The following AP1M1 variants were observed in gnomAD, a reference collection of about 807,000 sequenced individuals.
AP1M1 encodes the protein adaptor related protein complex 1 subunit mu 1.
In AP1M1, 18 loss-of-function variants were observed where a neutral mutation model predicts 57.1. The observed-to-expected ratio is 0.32, with a 90% confidence interval of 0.22 to 0.47. AP1M1 has a LOEUF of 0.47. AP1M1 is among the 20% of genes least tolerant of loss of function. The pLI is 1.00. For synonymous variants in AP1M1, 241 were observed against 237.9 expected (o/e 1.01, Z -0.12); for missense variants, 362 against 593.5 (o/e 0.61, Z 4.05).
rs1219220232 is a variant in AP1M1, at chr19:16,228,804, A to G, written c.923A>G (p.Asn308Ser). Residue 308 changes from asparagine (N) to serine (S), a missense_variant, in exon 9 of 12, where the codon AAC becomes AGC. Around this residue, in one of 2 missense-constraint regions of AP1M1, gnomAD observed 337 missense variants for 511.1 expected, o/e 0.66. Transcript: ENST00000291439. The surrounding 1 kb of genome is among the most constrained non-coding windows in gnomAD (Gnocchi z 5.0). ...CAGTTCAAGCGGCGGTCAACAGCCA[A>G]CAACGTGGAGATCCACATTCCCGTG... ...KSQFKRRSTANNVEIHIPVPN... is the reference protein window; with the variant it reads ...KSQFKRRSTASNVEIHIPVPN... 3 of 1,614,142 alleles carry G rather than the reference A, an allele frequency of 1.9e-6. No homozygotes were observed. Among genetic ancestry groups the G allele is most frequent in the Middle Eastern group, 1.6e-4 (1 of 6,062 alleles).
At chr19:16,232,204 G>A (rs2091601744) in intron 9 of AP1M1, among the ~76,000 whole-genome samples, 1 of 152,172 alleles carries the variant, frequency 6.6e-6, no homozygotes, top group Non-Finnish European at 1.5e-5. Flanking sequence ...GTCCTCTTTT[G>A]TCTGCCTTTG....
At chr19:16,198,321 A>C in intron 1 of AP1M1, 1 of 274,198 alleles carries the variant, frequency 3.6e-6, no homozygotes, top group Non-Finnish European at 6.9e-6. Context: ...AACTGACTGC[A>C]CCGCCCTCTG....
chr19:16,197,975 T>TCGCTGCCGCCGACACCGCCCTCGGC lies in AP1M1; in HGVS notation c.-41_-40insACACCGCCCTCGGCCGCTGCCGCCG. ...GCTCAACGCCCAGCAGTCCCCACCG[T>TCGCTGCCGCCGACACCGCCCTCGGC]CGCTGCCGCCGCCACCGCCCTCGGC... On this transcript the variant is annotated 5_prime_UTR_variant, in exon 1 of 12. Transcript: ENST00000291439. 1.4e-6 allele frequency: 2 copies of TCGCTGCCGCCGACACCGCCCTCGGC among 1,451,818 alleles called. No individual in the cohort carries two copies. The highest frequency in any genetic ancestry group is 1.3e-5 in the South Asian group (1 of 77,830). The allele number at this position is 1,451,818 out of a possible 1,614,324, so 89.9% of individuals were successfully genotyped here. A position where few individuals can be genotyped will look rare whatever the true frequency, so the allele number is the denominator to read the frequency against.
In AP1M1 at chr19:16,228,954, G is replaced by T. The variant is rs758703003; in HGVS notation, c.1047+26G>T. 1.2e-6 allele frequency: 2 copies of T among 1,608,762 alleles called. No homozygotes were observed. Among genetic ancestry groups the T allele is most frequent in the Admixed American group, 1.7e-5 (1 of 59,872 alleles). On this transcript the variant is annotated intron_variant, in intron 9 of 11. Transcript: ENST00000291439. This position sits in a 1 kb window ranked among gnomAD's most constrained non-coding sequence, Gnocchi z 5.0. Reference sequence around the variant, plus strand: ...GTGAGCACTCTGTCCAGACATCCACGTGCCCCCTGCGCCTGTCTCTGCAAG... The same window carrying T: ...GTGAGCACTCTGTCCAGACATCCACTTGCCCCCTGCGCCTGTCTCTGCAAG...
At position 16,240,759 on chromosome 19, in the gene AP1M1, T is replaced by G. The variant is rs927619494; in HGVS notation, c.*6324T>G. The G allele has an allele frequency of 6.6e-6, 1 of 152,128 alleles. No individual in the cohort carries two copies. Among genetic ancestry groups the G allele is most frequent in the African/African-American group, 2.4e-5 (1 of 41,418 alleles). 9.4% of individuals were successfully genotyped at this position (152,128 alleles called of 1,614,324 possible). A position where few individuals can be genotyped will look rare whatever the true frequency, so the allele number is the denominator to read the frequency against. The stretch of plus-strand genomic sequence containing the variant: ...GCCACTGCGCCCAGCCTGAAAATCT[T>G]GAAATTTTAAGATCCAGGAAACCGT... On this transcript the variant is annotated 3_prime_UTR_variant, in exon 12 of 12. Transcript: ENST00000291439.
chr19:16,200,269 A>T (rs1183739200), intron 1 of AP1M1, among the ~76,000 whole-genome samples: 6 of 152,166 alleles, frequency 3.9e-5, no homozygotes, highest in Non-Finnish European at 7.3e-5. Flanking sequence ...GGAGGTGGTT[A>T]TGAAAGGCTC....
intron 1 of AP1M1, among the ~76,000 whole-genome samples, chr19:16,200,599 C>G (rs2145110062): frequency 6.6e-6 from 1 of 152,336 alleles, no homozygotes; most frequent in African/African-American, 2.4e-5. Flanking sequence ...GCCTCGTGAG[C>G]CGACTGCATT....
chr19:16,234,520 G>A lies in AP1M1; in HGVS notation c.*85G>A. 6.4e-7 allele frequency: 1 copy of A among 1,558,874 alleles called. No homozygotes were observed. Among genetic ancestry groups the A allele is most frequent in the South Asian group, 1.1e-5 (1 of 87,792 alleles). Reference sequence around the variant, plus strand: ...ACCTGCCAAACCCACCAGATGGAGGGGCCCTCCCTGGTCTCTGGCCACCCT... The same window carrying A: ...ACCTGCCAAACCCACCAGATGGAGGAGCCCTCCCTGGTCTCTGGCCACCCT... On this transcript the variant is annotated 3_prime_UTR_variant, in exon 12 of 12. Transcript: ENST00000291439.
intron 4 of AP1M1, among the ~76,000 whole-genome samples, chr19:16,208,699 C>T (rs1340439830): frequency 6.6e-6 from 1 of 152,206 alleles, no homozygotes; most frequent in Non-Finnish European, 1.5e-5. Flanking sequence ...GCGTCAGTTC[C>T]ATCCACGTGC....
Position 16,206,480 on chromosome 19 carries a change from C to T in AP1M1, c.267+72C>T. Reference sequence around the variant, plus strand: ...GGCTCTGCTTGTGGACCTCCCCATACCTGGCCACCCTACAGAGAGCTGTGG... The same window carrying T: ...GGCTCTGCTTGTGGACCTCCCCATATCTGGCCACCCTACAGAGAGCTGTGG... On this transcript the variant is annotated intron_variant, in intron 3 of 11. Transcript: ENST00000291439. This position sits in a 1 kb window ranked among gnomAD's most constrained non-coding sequence, Gnocchi z 4.3. 1.3e-6 allele frequency: 2 copies of T among 1,498,996 alleles called. No homozygotes were observed. The highest frequency in any genetic ancestry group is 3.4e-5 in the Admixed American group (2 of 59,532). The allele number at this position is 1,498,996 out of a possible 1,614,324, so 92.9% of individuals were successfully genotyped here. A position where few individuals can be genotyped will look rare whatever the true frequency, so the allele number is the denominator to read the frequency against.
At chr19:16,209,892 T>C (rs1182988136) in intron 5 of AP1M1, among the ~76,000 whole-genome samples, 2 of 152,186 alleles carry the variant, frequency 1.3e-5, no homozygotes, top group African/African-American at 4.8e-5. Flanking sequence ...AAAATGAATT[T>C]TAGCGCTTGT....
Position 16,227,251 on chromosome 19 carries a change from T to TGATC in AP1M1, c.674-296_674-293dup, listed in dbSNP as rs2091575237. ...CGAGCCATCCCCCAGCCAAGTCCAC[T>TGATC]GATCAATCATTCAGTGAACGTGTCC... On this transcript the variant is annotated intron_variant, in intron 6 of 11. Coordinates refer to ENST00000291439, the MANE Select transcript of AP1M1 (RefSeq NM_032493.4). This position sits in a 1 kb window ranked among gnomAD's most constrained non-coding sequence, Gnocchi z 6.2. Among the ~76,000 whole-genome samples the TGATC allele has an allele frequency of 6.6e-6, 1 of 152,146 alleles. No homozygotes were observed. The highest frequency in any genetic ancestry group is 2.4e-5 in the African/African-American group (1 of 41,446).
Position 16,238,696 on chromosome 19 carries a change from G to A in AP1M1, c.*4261G>A, listed in dbSNP as rs2091634083. ...TTCCTTAAGCTTGGTATTGCTTAGT[G>A]GCTTGTTCTGTATTCTTTCTTTATG... On this transcript the variant is annotated 3_prime_UTR_variant, in exon 12 of 12. Transcript: ENST00000291439. 6.6e-6 allele frequency: 1 copy of A among 150,768 alleles called. No individual in the cohort carries two copies. The highest frequency in any genetic ancestry group is 2.4e-5 in the African/African-American group (1 of 40,976). The allele number at this position is 150,768 out of a possible 1,614,324, so 9.3% of individuals were successfully genotyped here. A position where few individuals can be genotyped will look rare whatever the true frequency, so the allele number is the denominator to read the frequency against.
chr19:16,232,304 C>T (rs892917353), intron 9 of AP1M1, among the ~76,000 whole-genome samples: 5 of 152,204 alleles, frequency 3.3e-5, no homozygotes, highest in Admixed American at 1.3e-4. Flanking sequence ...GTGTGTGAGC[C>T]GGCGCCAGCC....
chr19:16,243,130 A>C lies in AP1M1; in HGVS notation c.*8695A>C, dbSNP rs1405445305. 2.6e-5 allele frequency: 4 copies of C among 152,198 alleles called. No individual in the cohort carries two copies. The highest frequency in any genetic ancestry group is 9.6e-5 in the African/African-American group (4 of 41,452). 9.4% of individuals were successfully genotyped at this position (152,198 alleles called of 1,614,324 possible). ...TGTATTAGATCCCCGAGAAGTTTCCACACAACTCCAAGAATTATTATTAGA... is the reference window on the plus strand; with the variant it reads ...TGTATTAGATCCCCGAGAAGTTTCCCCACAACTCCAAGAATTATTATTAGA... On this transcript the variant is annotated 3_prime_UTR_variant, in exon 12 of 12. Transcript: ENST00000291439.
rs2091643744 is a variant in AP1M1, at chr19:16,241,033, A to G, written c.*6598A>G. ...TGAGCCCACCTCATCTGTAAAAGGT[A>G]GGACAAGCCGGGCATGGTGGCTCCC... On this transcript the variant is annotated 3_prime_UTR_variant, in exon 12 of 12. Transcript: ENST00000291439. The G allele has an allele frequency of 6.6e-6, 1 of 152,160 alleles. No homozygotes were observed. The highest frequency in any genetic ancestry group is 2.4e-5 in the African/African-American group (1 of 41,444). 9.4% of individuals were successfully genotyped at this position (152,160 alleles called of 1,614,324 possible).
chr19:16,208,126 C>A lies in AP1M1; in HGVS notation c.375C>A (p.Thr125=), dbSNP rs772524205. The change falls in exon 4 of 12, where the codon ACC becomes ACA. Residue 125 remains threonine, a synonymous_variant. Transcript: ENST00000291439. ...DELMDFGYPQ[T]TDSKILQEYI... is the part of the protein sequence containing the mutation. Reference sequence around the variant, plus strand: ...TCATGGACTTCGGCTACCCCCAGACCACCGACAGCAAGATCCTGCAGGAGT... The same window carrying A: ...TCATGGACTTCGGCTACCCCCAGACAACCGACAGCAAGATCCTGCAGGAGT... 5 of 1,613,470 alleles carry A rather than the reference C, an allele frequency of 3.1e-6. No individual in the cohort carries two copies. Among genetic ancestry groups the A allele is most frequent in the Non-Finnish European group, 4.2e-6 (5 of 1,179,670 alleles).
rs1300430851 is a variant in AP1M1 at position 16,238,251 on chromosome 19, A to G, written c.*3816A>G. The G allele has an allele frequency of 6.6e-6, 1 of 152,236 alleles. No individual in the cohort carries two copies. Among genetic ancestry groups the G allele is most frequent in the Non-Finnish European group, 1.5e-5 (1 of 68,062 alleles). The allele number at this position is 152,236 out of a possible 1,614,324, so 9.4% of individuals were successfully genotyped here. On this transcript the variant is annotated 3_prime_UTR_variant, in exon 12 of 12. Coordinates refer to ENST00000291439, the MANE Select transcript of AP1M1 (RefSeq NM_032493.4). ...CTCTTGCAGAACTCTAGTTGAGAAA[A>G]GCCCTGAGAAGTCCATGCACCAATA...
chr19:16,202,958 G>C (rs2091454753), intron 1 of AP1M1: 1 of 160,226 alleles, frequency 6.2e-6, no homozygotes, highest in South Asian at 1.6e-4. Flanking sequence ...AGTGGACAGG[G>C]GTTCTGGATG....
Sources: gnomAD v4.1 joint callset for allele counts (sites outside exome capture counted in the v4.1 genomes callset) on GRCh38, gnomAD v4.1.1 for gene constraint, gnomAD v4.1.1 regional missense constraint, Gnocchi (gnomAD v3.1) non-coding constraint, MANE v1.5 for transcripts, NCBI Gene and HGNC (gene_info 2026-07-23, HGNC 2026-07-21) for gene names.